Variants in PHF3 observed in about 807,000 individuals in gnomAD.
PHF3 encodes PHD finger protein 3.
Under a neutral mutation model 178.4 loss-of-function variants are expected in PHF3, and 41 were observed. That is an observed-to-expected ratio of 0.23 (90% CI 0.18 to 0.30). The LOEUF (loss-of-function observed/expected upper bound fraction) is 0.30, where lower values mean the gene tolerates loss of function less well. Among genes scored for constraint, PHF3 ranks in the 10% least tolerant of loss-of-function variants. The pLI is 1.00. For missense variants in PHF3, 2,346 were observed against 2,398.1 expected (o/e 0.98, Z 0.45); for synonymous variants, 842 against 800.5 (o/e 1.05, Z -0.88).
intron 2 of PHF3, among the ~76,000 whole-genome samples, chr6:63,667,778 T>G (rs1385275774): frequency 1.3e-5 from 2 of 152,238 alleles, no homozygotes; most frequent in Non-Finnish European, 2.9e-5. Flanking sequence ...GAGTTTTAGA[T>G]TTTTTAAACT....
intron 4 of PHF3, among the ~76,000 whole-genome samples, chr6:63,687,008 C>T (rs761151794): frequency 1.8e-4 from 28 of 152,260 alleles, no homozygotes; most frequent in South Asian, 1.4e-3. Flanking sequence ...CTATTTTTAG[C>T]GTCAAGGGTT....
intron 2 of PHF3, among the ~76,000 whole-genome samples, chr6:63,653,988 A>G (rs994855732): frequency 2.0e-5 from 3 of 152,022 alleles, no homozygotes; most frequent in African/African-American, 7.3e-5. Context: ...ATGCTACTTG[A>G]TTGTGGTGAG....
Position 63,652,413 on chromosome 6 carries a change from G to T in PHF3, c.244+5618G>T, listed in dbSNP as rs566844602. ...TGCTTTTTTGTTGTTGTTGTTGTTT[G>T]AGTTCCTTATATATTCTGGATATTA... On this transcript the variant is annotated intron_variant, in intron 2 of 15. Transcript: ENST00000262043. 7.2e-5 allele frequency among the ~76,000 whole-genome samples: 11 copies of T among 152,186 alleles called. 1 individual carries two copies. The highest frequency in any genetic ancestry group is 5.9e-4 in the Admixed American group (9 of 15,298).
Position 63,721,104 on chromosome 6 carries a change from T to G in PHF3, c.*7396T>G. On this transcript the variant is annotated 3_prime_UTR_variant, in exon 16 of 16. Transcript: ENST00000262043. ...TAAGGATATAGTAGTGAACTGGAGG[T>G]TTCTCATTCTATAATTTGGATCAAT... 1 of 1,551,396 alleles carries G rather than the reference T, an allele frequency of 6.4e-7. No individual in the cohort carries two copies. The highest frequency in any genetic ancestry group is 8.7e-7 in the Non-Finnish European group (1 of 1,146,782).
Position 63,712,940 on chromosome 6 carries a change from C to T in PHF3, c.5352C>T (p.Ser1784=). 6.2e-7 allele frequency: 1 copy of T among 1,613,974 alleles called. No individual in the cohort carries two copies. The highest frequency in any genetic ancestry group is 8.5e-7 in the Non-Finnish European group (1 of 1,179,948). ...CTTCTAAAAGCATCACCTTTACTTC[C>T]AGAAGCACCAGCCCCAGAACAAGTA... The part of the protein sequence containing the change: ...EFPSKSITFT[S]RSTSPRTSTN... The change falls in exon 16 of 16, where the codon TCC becomes TCT. Residue 1784 remains serine, a synonymous_variant. Transcript: ENST00000262043.
At chr6:63,665,094 G>A (rs930763581) in intron 2 of PHF3, among the ~76,000 whole-genome samples, 2 of 151,996 alleles carry the variant, frequency 1.3e-5, no homozygotes, top group African/African-American at 2.4e-5. Context: ...CATTTTTTAA[G>A]TGCCACATTT....
chr6:63,694,134 C>A (rs745351757), intron 5 of PHF3, among the ~76,000 whole-genome samples: 10 of 152,082 alleles, frequency 6.6e-5, no homozygotes, highest in Non-Finnish European at 8.8e-5. Flanking sequence ...ACTGGTAATT[C>A]TTTGTGGATT....
chr6:63,713,251 A>T lies in PHF3; in HGVS notation c.5663A>T (p.Lys1888Ile). 1 of 1,614,066 alleles carries T rather than the reference A, an allele frequency of 6.2e-7. No homozygotes were observed. The highest frequency in any genetic ancestry group is 8.5e-7 in the Non-Finnish European group (1 of 1,179,996). ...GGCCCGCAGAATTTTTACCAGGTTA[A>T]AGACATTCGGAGGCCAGAAAGGCGC... ...YIGPQNFYQV[K>I]DIRRPERRHS... The change falls in exon 16 of 16, where the codon AAA (lysine) becomes ATA (isoleucine). Residue 1888 changes from lysine to isoleucine, a missense_variant. Physicochemically the swap from Lys to Ile is moderately radical, Grantham distance 102. Coordinates refer to ENST00000262043, the MANE Select transcript of PHF3 (RefSeq NM_001370348.2).
At chr6:63,642,142 A>G (rs2149535604) in intron 1 of PHF3, among the ~76,000 whole-genome samples, 1 of 152,304 alleles carries the variant, frequency 6.6e-6, no homozygotes, top group East Asian at 1.9e-4. Context: ...AATTAGTACC[A>G]ATTATTTTTA....
At chr6:63,704,241 A>G (rs1767598974) in intron 11 of PHF3, among the ~76,000 whole-genome samples, 1 of 152,126 alleles carries the variant, frequency 6.6e-6, no homozygotes, top group Non-Finnish European at 1.5e-5. Flanking sequence ...CTACATTGAA[A>G]AATAATGACC....
At chr6:63,683,177 T>C (rs1241072156) in intron 3 of PHF3, among the ~76,000 whole-genome samples, 1 of 152,048 alleles carries the variant, frequency 6.6e-6, no homozygotes, top group East Asian at 1.9e-4. Context: ...AAATTGGGCA[T>C]ACTTTTGAAA....
intron 2 of PHF3, among the ~76,000 whole-genome samples, chr6:63,653,500 G>A (rs1765107895): frequency 1.3e-5 from 2 of 151,778 alleles, no homozygotes; most frequent in Non-Finnish European, 2.9e-5. Flanking sequence ...GTTTATTTTG[G>A]TATATAGAAA....
In PHF3 at chr6:63,685,082, A is replaced by G. The variant is rs112493279; in HGVS notation, c.1360A>G (p.Ile454Val). Residue 454 changes from isoleucine (I) to valine (V), a missense_variant, in exon 4 of 16, where the codon ATA becomes GTA. By Grantham distance (29) the Ile-to-Val change is conservative (BLOSUM62 3). Transcript: ENST00000262043. ...CCAAAATTCAAAACAGTTGAATGCT[A>G]TAGAAAGTACTAAAATAGAGTCCCA... ...PDQNSKQLNA[I>V]ESTKIESHET... 8.2e-5 allele frequency: 133 copies of G among 1,613,886 alleles called. No individual in the cohort carries two copies. Among genetic ancestry groups the G allele is most frequent in the Non-Finnish European group, 9.9e-5 (117 of 1,179,968 alleles).
In PHF3 at chr6:63,723,787, G is replaced by A. The variant is rs1768501822; in HGVS notation, c.*10079G>A. On this transcript the variant is annotated 3_prime_UTR_variant, in exon 16 of 16. Transcript: ENST00000262043. ...AGTTATGGGTCATAAGTACACATTG[G>A]CATTATTATTATTATTATTATTATT... Among the ~76,000 whole-genome samples, 1 of 127,556 alleles carries A rather than the reference G, an allele frequency of 7.8e-6. No individual in the cohort carries two copies. The highest frequency in any genetic ancestry group is 1.6e-5 in the Non-Finnish European group (1 of 61,664). 83.7% of individuals were successfully genotyped at this position (127,556 alleles called of 152,430 possible). A position where few individuals can be genotyped will look rare whatever the true frequency, so the allele number is the denominator to read the frequency against.
rs370463326 is a variant in PHF3 at position 63,685,049 on chromosome 6, G to A, written c.1327G>A (p.Val443Met). The A allele has an allele frequency of 5.0e-6, 8 of 1,613,896 alleles. No homozygotes were observed. The Admixed American group carries it at 6.7e-5, about 13-fold the overall frequency. The change falls in exon 4 of 16, where the codon GTG becomes ATG. Residue 443 changes from valine to methionine, a missense_variant. Val to Met is a conservative substitution (Grantham distance 21). This residue lies in a region of PHF3 where 843 missense variants were observed against 795.2 expected (regional missense o/e 1.06). Transcript: ENST00000262043. ...SNILENAICD[V>M]PDQNSKQLNA... ...TATCTTGGAAAATGCTATTTGTGAT[G>A]TGCCTGACCAAAATTCAAAACAGTT...
intron 2 of PHF3, among the ~76,000 whole-genome samples, chr6:63,666,777 A>G (rs1457628210): frequency 6.8e-6 from 1 of 147,726 alleles, no homozygotes; most frequent in Non-Finnish European, 1.5e-5. Context: ...TTTGAGATGG[A>G]GTCTTGCTCA....
At chr6:63,669,793 C>G (rs1765830526) in intron 2 of PHF3, among the ~76,000 whole-genome samples, 1 of 152,150 alleles carries the variant, frequency 6.6e-6, no homozygotes, top group South Asian at 2.1e-4. Flanking sequence ...CATTTACTGA[C>G]TTCTAAACCT....
rs1475183639 is a variant in PHF3, at chr6:63,635,892, A to C, written c.-284A>C. The C allele has an allele frequency of 2.5e-6, 1 of 397,396 alleles. No individual in the cohort carries two copies. Among genetic ancestry groups the C allele is most frequent in the Non-Finnish European group, 4.4e-6 (1 of 225,476 alleles). The allele number at this position is 397,396 out of a possible 1,614,324, so 24.6% of individuals were successfully genotyped here. A position where few individuals can be genotyped will look rare whatever the true frequency, so the allele number is the denominator to read the frequency against. ...GGTCTCGCGCCGTCGCACCGTCCCC[A>C]CGCGGCAAGCGACCTTCGGGCTCAG... On this transcript the variant is annotated 5_prime_UTR_variant, in exon 1 of 16. Transcript: ENST00000262043.
At chr6:63,703,905 C>A (rs1297753106) in intron 11 of PHF3, among the ~76,000 whole-genome samples, 1 of 152,118 alleles carries the variant, frequency 6.6e-6, no homozygotes, top group East Asian at 1.9e-4. Flanking sequence ...AACTTAAAAA[C>A]TGTTCTTGCT....
Sources: gnomAD v4.1 joint callset for allele counts (sites outside exome capture counted in the v4.1 genomes callset) on GRCh38, gnomAD v4.1.1 for gene constraint, gnomAD v4.1.1 regional missense constraint, MANE v1.5 for transcripts, NCBI Gene and HGNC (gene_info 2026-07-23, HGNC 2026-07-21) for gene names.